The following RAC1 variants were observed in gnomAD, a reference collection of about 807,000 sequenced individuals.
RAC1 encodes the protein Rac family small GTPase 1.
Under a neutral mutation model 25.2 loss-of-function variants are expected in RAC1, and 2 were observed. The ratio of observed to expected loss-of-function variants is 0.08; its 90% CI spans 0.03 to 0.25. RAC1 has a LOEUF of 0.25. Among genes scored for constraint, RAC1 ranks in the 10% least tolerant of loss-of-function variants. The probability of loss-of-function intolerance (pLI) is 1.00; values close to 1 mark genes in which losing one functional copy is unlikely to be tolerated. For missense variants in RAC1, 50 were observed against 235.7 expected (o/e 0.21, Z 5.16); for synonymous variants, 88 against 94.0 (o/e 0.94, Z 0.37).
chr7:6,383,784 C>CTTTTTTTTTTTTTTTTTTTT (rs34847745), intron 1 of RAC1, among the ~76,000 whole-genome samples: 2 of 39,770 alleles, frequency 5.0e-5, no homozygotes, highest in Non-Finnish European at 9.3e-5. Context: ...CAACCTTTAT[C>CTTTTTTTTTTTTTTTTTTTT]TTTTTTTTTT....
rs370215539 is a variant in RAC1, at chr7:6,402,628, G to A, written c.*182G>A. 16 of 554,550 alleles carry A rather than the reference G, an allele frequency of 2.9e-5. 1 individual carries two copies. The highest frequency in any genetic ancestry group is 1.8e-4 in the African/African-American group (9 of 51,148). The allele number at this position is 554,550 out of a possible 1,614,324, so 34.4% of individuals were successfully genotyped here. ...TTTTTGAACCAATCAGTAATTTTAA[G>A]GTTTTGTTTGTTCTAAATGTAAGAG... On this transcript the variant is annotated 3_prime_UTR_variant, in exon 6 of 6. Coordinates refer to ENST00000348035, the MANE Select transcript of RAC1 (RefSeq NM_006908.5).
intron 1 of RAC1, among the ~76,000 whole-genome samples, chr7:6,383,784 C>CTTTTTTTTTTTTTTTTTT (rs34847745): frequency 1.3e-4 from 5 of 39,798 alleles, no homozygotes; most frequent in African/African-American, 3.4e-4. Context: ...CAACCTTTAT[C>CTTTTTTTTTTTTTTTTTT]TTTTTTTTTT....
At chr7:6,402,294 C>T (rs774811445) in intron 5 of RAC1, 22 bp from the exon 6 acceptor site, 295 of 1,589,856 alleles carry the variant, frequency 1.9e-4, no homozygotes, top group Non-Finnish European at 2.2e-4. Context: ...TGTACATTGC[C>T]GTGTGGTCGT....
chr7:6,388,331 G>A (rs35705556), intron 2 of RAC1, among the ~76,000 whole-genome samples: 408 of 140,754 alleles, frequency 2.9e-3, no homozygotes, highest in Non-Finnish European at 4.9e-3. Context: ...TTTTGTTGTT[G>A]TTGTTGTTGT....
intron 1 of RAC1, among the ~76,000 whole-genome samples, chr7:6,383,167 G>T (rs1782820194): frequency 6.6e-6 from 1 of 152,152 alleles, no homozygotes; most frequent in Admixed American, 6.5e-5. Flanking sequence ...AAATTCTCCA[G>T]CAGTATCAGT....
At chr7:6,380,717 C>T (rs1371562912) in intron 1 of RAC1, among the ~76,000 whole-genome samples, 1 of 152,154 alleles carries the variant, frequency 6.6e-6, no homozygotes, top group African/African-American at 2.4e-5. Context: ...AAGCATTGTA[C>T]AGTCAACATG....
In RAC1 at chr7:6,402,410, C is replaced by T. The variant is rs144238799; in HGVS notation, c.543C>T (p.Pro181=). The change falls in exon 6 of 6, where the codon CCC becomes CCT. Residue 181 remains proline (P), a synonymous_variant. Transcript: ENST00000348035. ...EAIRAVLCPP[P]VKKRKRKCLL... ...TCCGAGCAGTCCTCTGCCCGCCTCCCGTGAAGAAGAGGAAGAGAAAATGCC... is the reference window on the plus strand; with the variant it reads ...TCCGAGCAGTCCTCTGCCCGCCTCCTGTGAAGAAGAGGAAGAGAAAATGCC... 335 of 1,607,878 alleles carry T rather than the reference C, an allele frequency of 2.1e-4. 1 individual carries two copies. The highest frequency in any genetic ancestry group is 1.4e-3 in the South Asian group (125 of 90,806).
intron 1 of RAC1, among the ~76,000 whole-genome samples, chr7:6,377,198 CTGTT>C (rs1489455912): frequency 6.9e-6 from 1 of 144,458 alleles, no homozygotes; most frequent in South Asian, 2.3e-4. Context: ...AGTTTTCAGT[CTGTT>C]TTTTTTTTTT....
At chr7:6,392,612 G>C (rs1039449974) in intron 3 of RAC1, among the ~76,000 whole-genome samples, 2 of 152,204 alleles carry the variant, frequency 1.3e-5, no homozygotes, top group Non-Finnish European at 2.9e-5. Flanking sequence ...AGACAACTAA[G>C]TGATTTATTT....
chr7:6,398,959 G>T (rs1328650161), intron 3 of RAC1, among the ~76,000 whole-genome samples: 1 of 152,228 alleles, frequency 6.6e-6, no homozygotes, highest in Non-Finnish European at 1.5e-5. Flanking sequence ...GGAGGGGACA[G>T]TGAGAGGGCC....
At chr7:6,375,467 TCTC>T (rs1226834113) in intron 1 of RAC1, among the ~76,000 whole-genome samples, 2 of 152,040 alleles carry the variant, frequency 1.3e-5, no homozygotes, top group East Asian at 3.9e-4. Flanking sequence ...CTCAAGTGAT[TCTC>T]CTGCCTCTCA....
intron 1 of RAC1, among the ~76,000 whole-genome samples, chr7:6,385,521 A>T (rs1481059379): frequency 2.0e-5 from 3 of 152,222 alleles, no homozygotes; most frequent in East Asian, 3.8e-4. Context: ...TTATTTTCAC[A>T]TTCTAAGCTT....
chr7:6,399,482 C>T (rs945434541), intron 3 of RAC1, among the ~76,000 whole-genome samples: 8 of 152,224 alleles, frequency 5.3e-5, no homozygotes, highest in African/African-American at 1.9e-4. Flanking sequence ...CCGAAGCACC[C>T]TCTACTCTGT....
At chr7:6,398,542 C>A in intron 3 of RAC1, 1 of 776,408 alleles carries the variant, frequency 1.3e-6, no homozygotes, top group Non-Finnish European at 2.1e-6. Context: ...CTATTGTATG[C>A]TTTTGGATCT....
rs1437467008 is a variant in RAC1 at position 6,403,397 on chromosome 7, TAGTA to T, written c.*955_*958del. On this transcript the variant is annotated 3_prime_UTR_variant, in exon 6 of 6. Transcript: ENST00000348035. ...CTGGTTGTTCTGTTAGTCGCTAACT[TAGTA>T]AGTGCTTTTCTTATAGAACCCCTTC... is the stretch of plus-strand genomic sequence containing the variant. 6 of 212,848 alleles carry T rather than the reference TAGTA, an allele frequency of 2.8e-5. No individual in the cohort carries two copies. Among genetic ancestry groups the T allele is most frequent in the Admixed American group, 1.2e-4 (2 of 17,094 alleles). 13.2% of individuals were successfully genotyped at this position (212,848 alleles called of 1,614,324 possible).
chr7:6,392,184 A>G (rs1783108640), intron 3 of RAC1, 143 bp downstream of exon 3: 1 of 1,401,582 alleles, frequency 7.1e-7, no homozygotes, highest in Non-Finnish European at 9.6e-7. Context: ...GATTGGTTCC[A>G]TGTAAACATC....
At chr7:6,394,054 A>T (rs1224178065) in intron 3 of RAC1, among the ~76,000 whole-genome samples, 1 of 152,122 alleles carries the variant, frequency 6.6e-6, no homozygotes, top group South Asian at 2.1e-4. Context: ...GTGGTCCCTG[A>T]TTGCTGGCTC....
Position 6,403,671 on chromosome 7 carries a change from G to A in RAC1, c.*1225G>A, listed in dbSNP as rs766381651. The A allele has an allele frequency of 1.9e-5, 4 of 207,552 alleles. No individual in the cohort carries two copies. Among genetic ancestry groups the A allele is most frequent in the South Asian group, 1.9e-4 (1 of 5,312 alleles). 12.9% of individuals were successfully genotyped at this position (207,552 alleles called of 1,614,324 possible). A position where few individuals can be genotyped will look rare whatever the true frequency, so the allele number is the denominator to read the frequency against. ...ACTGTCTTGCCAGATTACCGACACT[G>A]TCACTTGACCAATACTGACCCTCTT... On this transcript the variant is annotated 3_prime_UTR_variant, in exon 6 of 6. Transcript: ENST00000348035.
intron 1 of RAC1, among the ~76,000 whole-genome samples, chr7:6,378,407 G>A (rs1026570541): frequency 1.2e-4 from 18 of 152,074 alleles, no homozygotes; most frequent in Middle Eastern, 3.4e-3. Flanking sequence ...TTAGCCGGGC[G>A]TGGTGGTGGG....
Sources: gnomAD v4.1 joint callset for allele counts (sites outside exome capture counted in the v4.1 genomes callset) on GRCh38, gnomAD v4.1.1 for gene constraint, MANE v1.5 for transcripts, NCBI Gene and HGNC (gene_info 2026-07-23, HGNC 2026-07-21) for gene names.